The following SCAP variants were observed in gnomAD, a reference collection of about 807,000 sequenced individuals.
SCAP encodes the protein sterol regulatory element-binding protein cleavage-activating protein.
A neutral mutation model predicts 123.6 loss-of-function variants in SCAP; 65 were observed. That is an observed-to-expected ratio of 0.53 (90% CI 0.43 to 0.65). SCAP has a LOEUF of 0.65. SCAP is among the 30% of genes least tolerant of loss of function. SCAP has a pLI of 0.00. For missense variants in SCAP, 1,398 were observed against 1,712.5 expected (o/e 0.82, Z 3.24); for synonymous variants, 740 against 726.3 (o/e 1.02, Z -0.30).
intron 3 of SCAP, among the ~76,000 whole-genome samples, chr3:47,430,134 A>G (rs936911764): frequency 1.2e-4 from 19 of 152,220 alleles, no homozygotes; most frequent in Non-Finnish European, 2.4e-4. Context: ...AATATTAACA[A>G]TGAACAATCA....
chr3:47,449,500 T>C (rs1181635696), intron 1 of SCAP, among the ~76,000 whole-genome samples: 1 of 124,240 alleles, frequency 8.0e-6, no homozygotes, highest in African/African-American at 2.8e-5. Flanking sequence ...CATTTGCCAA[T>C]GTCACTGCTG....
At chr3:47,440,006 A>T (rs1706734441) in intron 2 of SCAP, among the ~76,000 whole-genome samples, 1 of 152,210 alleles carries the variant, frequency 6.6e-6, no homozygotes, top group Admixed American at 6.5e-5. Flanking sequence ...CCAAGCTGTC[A>T]TTGATCACCA....
intron 2 of SCAP, among the ~76,000 whole-genome samples, chr3:47,441,500 G>C (rs1004093750): frequency 6.6e-6 from 1 of 151,744 alleles, no homozygotes; most frequent in Non-Finnish European, 1.5e-5. Context: ...AAAAAGAAAG[G>C]TCAATTAACT....
At chr3:47,462,374 G>A (rs1707673757) in intron 1 of SCAP, among the ~76,000 whole-genome samples, 1 of 152,218 alleles carries the variant, frequency 6.6e-6, no homozygotes, top group Middle Eastern at 3.4e-3. Context: ...TCGGCTATCT[G>A]TGTAGTAAAG....
At position 47,442,867 on chromosome 3, in the gene SCAP, C is replaced by T; in HGVS notation, c.122+5G>A. ...CACCATATCCAAGGCAACCCAAAAACATACCAGCAGGCTAAGATGCAGAAC... is the reference window on the plus strand; with the variant it reads ...CACCATATCCAAGGCAACCCAAAAATATACCAGCAGGCTAAGATGCAGAAC... On this transcript the variant is annotated splice_donor_5th_base_variant and intron_variant, in intron 2 of 22. Coordinates refer to ENST00000265565, the MANE Select transcript of SCAP (RefSeq NM_012235.4). 1 of 1,614,052 alleles carries T rather than the reference C, an allele frequency of 6.2e-7. No individual in the cohort carries two copies. The highest frequency in any genetic ancestry group is 8.5e-7 in the Non-Finnish European group (1 of 1,179,922).
In SCAP at chr3:47,425,538, G is replaced by A. The variant is rs778925980; in HGVS notation, c.984C>T (p.Leu328=). 1.2e-4 allele frequency: 189 copies of A among 1,613,964 alleles called. 1 individual carries two copies. The highest frequency in any genetic ancestry group is 1.5e-4 in the Non-Finnish European group (180 of 1,180,050). ...AGAGTGTGCAGAGTCCCACAGACAT[G>A]AGCAGCGAGCTGAGCACTGTGACCA... ...AAVVTVLSSL[L]MSVGLCTLFG... Residue 328 remains leucine (L), a synonymous_variant, in exon 8 of 23, where the codon CTC becomes CTT. Transcript: ENST00000265565.
At chr3:47,433,189 G>T (rs2107856157) in intron 3 of SCAP, among the ~76,000 whole-genome samples, 1 of 152,252 alleles carries the variant, frequency 6.6e-6, no homozygotes, top group South Asian at 2.1e-4. Context: ...TGAATTTCCT[G>T]TTCTTCATAA....
At position 47,417,479 on chromosome 3, in the gene SCAP, G is replaced by T; in HGVS notation, c.2795C>A (p.Ala932Asp). The change falls in exon 17 of 23, where the codon GCC becomes GAC. Residue 932 changes from alanine to aspartate, a missense_variant. This residue lies in a region of SCAP where 828 missense variants were observed against 882.5 expected (regional missense o/e 0.94). Transcript: ENST00000265565. The stretch of plus-strand genomic sequence containing the variant: ...CGGCCCAGGCGAGGGTGGGCGCAGG[G>T]CTGGTGTGCAGACGGCCGCCAGCCC... ...EEGLAAVCTP[A>D]LRPPSPGPVL... The T allele has an allele frequency of 6.4e-7, 1 of 1,550,942 alleles. No homozygotes were observed. The highest frequency in any genetic ancestry group is 8.7e-7 in the Non-Finnish European group (1 of 1,147,858).
chr3:47,472,185 G>C (rs1708049179), intron 1 of SCAP, among the ~76,000 whole-genome samples: 1 of 152,082 alleles, frequency 6.6e-6, no homozygotes, highest in African/African-American at 2.4e-5. Flanking sequence ...TGTAATCCCA[G>C]CACTTTGGGA....
chr3:47,419,366 C>T lies in SCAP; in HGVS notation c.1902G>A (p.Pro634=), dbSNP rs1337665738. 8 of 1,613,242 alleles carry T rather than the reference C, an allele frequency of 5.0e-6. No individual in the cohort carries two copies. The East Asian group carries it at 6.7e-5, about 13-fold the overall frequency. ...TGATGTTGTAATAGCTGAAGAGCGT[C>T]GGCCAGTGGCGGAAGGACAATTTCC... is the stretch of plus-strand genomic sequence containing the variant. ...LWRKLSFRHW[P]TLFSYYNITL... The change falls in exon 13 of 23, where the codon CCG becomes CCA. Residue 634 remains proline, a synonymous_variant. Transcript: ENST00000265565. This position sits in a 1 kb window ranked among gnomAD's most constrained non-coding sequence, Gnocchi z 5.0.
intron 1 of SCAP, among the ~76,000 whole-genome samples, chr3:47,455,407 C>T (rs948114158): frequency 6.6e-5 from 10 of 151,406 alleles, no homozygotes; most frequent in Non-Finnish European, 1.5e-4. Flanking sequence ...CCAGCCTAGC[C>T]AACATGGTGA....
rs924765931 is a variant in SCAP at position 47,427,005 on chromosome 3, T to C, written c.737+152A>G. 88 of 655,108 alleles carry C rather than the reference T, an allele frequency of 1.3e-4. 1 individual carries two copies. The highest frequency in any genetic ancestry group is 1.2e-3 in the Admixed American group (46 of 39,694). The allele number at this position is 655,108 out of a possible 1,614,324, so 40.6% of individuals were successfully genotyped here. A position where few individuals can be genotyped will look rare whatever the true frequency, so the allele number is the denominator to read the frequency against. ...TTAAAATGTGGTAGACAGCATCATC[T>C]AGTCTGAGGGATGTAAACATTCAAC... On this transcript the variant is annotated intron_variant, in intron 6 of 22. Coordinates refer to ENST00000265565, the MANE Select transcript of SCAP (RefSeq NM_012235.4).
intron 4 of SCAP, among the ~76,000 whole-genome samples, 166 bp from the exon 5 acceptor site, chr3:47,427,833 C>A (rs1453582530): frequency 6.6e-6 from 1 of 152,136 alleles, no homozygotes; most frequent in Non-Finnish European, 1.5e-5. Flanking sequence ...TTCCAGGTGG[C>A]CAATAACCTA....
chr3:47,469,740 G>T, intron 1 of SCAP: 1 of 432,310 alleles, frequency 2.3e-6, no homozygotes, highest in Non-Finnish European at 4.5e-6. Context: ...TTCACCTTCT[G>T]CCATGATTGT....
chr3:47,460,954 G>A (rs1447475975), intron 1 of SCAP, among the ~76,000 whole-genome samples: 2 of 152,154 alleles, frequency 1.3e-5, no homozygotes, highest in African/African-American at 4.8e-5. Context: ...AAAGCCAAGA[G>A]ATGAGGCTCA....
upstream of SCAP, among the ~76,000 whole-genome samples, chr3:47,476,700 G>A (rs1708280035): frequency 6.6e-6 from 1 of 152,140 alleles, no homozygotes. Context: ...CTGAAAATCC[G>A]AGGTAGGTCT....
At chr3:47,429,018 G>A (rs994479245) in intron 3 of SCAP, 2 of 222,580 alleles carry the variant, frequency 9.0e-6, no homozygotes, top group Admixed American at 5.2e-5. Context: ...GGACCTGTGA[G>A]GTGGCATCAA....
chr3:47,463,541 A>G (rs1331736099), intron 1 of SCAP, among the ~76,000 whole-genome samples: 2 of 152,094 alleles, frequency 1.3e-5, no homozygotes, highest in Non-Finnish European at 2.9e-5. Context: ...GTGTCTACTA[A>G]AAATACAAAA....
chr3:47,469,876 G>T, intron 1 of SCAP: 2 of 538,408 alleles, frequency 3.7e-6, no homozygotes, highest in South Asian at 1.5e-5. Flanking sequence ...TCTCAGATTG[G>T]AACAAGAAAT....
Sources: allele counts gnomAD v4.1 joint callset (sites outside exome capture counted in the v4.1 genomes callset), GRCh38; gene constraint gnomAD v4.1.1; regional missense constraint gnomAD v4.1.1; non-coding constraint Gnocchi (gnomAD v3.1); transcripts MANE v1.5; gene names NCBI Gene and HGNC (gene_info 2026-07-23, HGNC 2026-07-21).